Variants in GIGYF2 observed in about 807,000 individuals in gnomAD.
GIGYF2 encodes the protein GRB10 interacting GYF protein 2.
Under a neutral mutation model 208.1 loss-of-function variants are expected in GIGYF2, and 25 were observed. The ratio of observed to expected loss-of-function variants is 0.12; its 90% CI spans 0.09 to 0.17. GIGYF2 has a LOEUF of 0.17. Among genes scored for constraint, GIGYF2 ranks in the 10% least tolerant of loss-of-function variants. The probability of loss-of-function intolerance (pLI) is 1.00; values close to 1 mark genes in which losing one functional copy is unlikely to be tolerated. For synonymous variants in GIGYF2, 534 were observed against 543.8 expected, an observed-to-expected ratio of 0.98 and a Z score of 0.25; for missense variants, 1,302 against 1,579.4, an observed-to-expected ratio of 0.82 and a Z score of 2.98.
chr2:232,777,821 A>C (rs1391012364), intron 8 of GIGYF2, among the ~76,000 whole-genome samples: 1 of 152,184 alleles, frequency 6.6e-6, no homozygotes, highest in Non-Finnish European at 1.5e-5. Flanking sequence ...CCCAGCTAAC[A>C]AATTGCAGAA....
intron 14 of GIGYF2, among the ~76,000 whole-genome samples, chr2:232,800,785 T>C (rs1700373088): frequency 6.6e-6 from 1 of 152,066 alleles, no homozygotes; most frequent in Non-Finnish European, 1.5e-5. Context: ...ACACGCTGGC[T>C]CATGCCTGTA....
chr2:232,775,634 AT>A lies in GIGYF2; in HGVS notation c.533-11515del, dbSNP rs553392307. Reference sequence around the variant, plus strand: ...CATTTATAAATTATTTGGAGGAAAAATAGTACCTATTAAAAAATGATAGGCA... The same window carrying A: ...CATTTATAAATTATTTGGAGGAAAAAAGTACCTATTAAAAAATGATAGGCA... On this transcript the variant is annotated intron_variant, in intron 8 of 28. Coordinates refer to ENST00000373563, the MANE Select transcript of GIGYF2 (RefSeq NM_001103146.3). 2.7e-3 allele frequency among the ~76,000 whole-genome samples: 416 copies of A among 152,312 alleles called. 1 individual carries two copies. Among genetic ancestry groups the A allele is most frequent in the South Asian group, 0.015 (71 of 4,832 alleles).
chr2:232,739,088 G>A (rs1237968223), intron 3 of GIGYF2, among the ~76,000 whole-genome samples: 1 of 152,122 alleles, frequency 6.6e-6, no homozygotes, highest in Non-Finnish European at 1.5e-5. Flanking sequence ...GCTGGGCGTG[G>A]TGGCTCATGC....
At chr2:232,718,574 T>G (rs549310854) in intron 2 of GIGYF2, among the ~76,000 whole-genome samples, 16 of 152,344 alleles carry the variant, frequency 1.1e-4, no homozygotes, top group Admixed American at 9.8e-4. Context: ...AACTTCAGTT[T>G]CCTTGGATGT....
At chr2:232,841,795 A>G (rs1207508350) in intron 23 of GIGYF2, among the ~76,000 whole-genome samples, 1 of 151,614 alleles carries the variant, frequency 6.6e-6, no homozygotes, top group East Asian at 1.9e-4. Context: ...CAATCAGGAC[A>G]CTCTCAGCTT....
intron 14 of GIGYF2, among the ~76,000 whole-genome samples, chr2:232,802,238 C>CT (rs775424488): frequency 5.7e-4 from 83 of 144,958 alleles, no homozygotes; most frequent in Non-Finnish European, 6.2e-4. Context: ...AATTTGGATG[C>CT]TTTTTTTTTT....
intron 9 of GIGYF2, among the ~76,000 whole-genome samples, chr2:232,787,911 A>G (rs1380224102): frequency 2.0e-5 from 3 of 152,194 alleles, no homozygotes; most frequent in Non-Finnish European, 4.4e-5. Context: ...TGTCTCTTAA[A>G]AATGCTCAAA....
Position 232,795,186 on chromosome 2 carries a change from C to G in GIGYF2, c.1479+242C>G, listed in dbSNP as rs141463555. ...CTCTTAGGTTGCCCTTAGCTATTTA[C>G]TTTTCTTTTTTCTTTTTGGACATTA... On this transcript the variant is annotated intron_variant, in intron 13 of 28. Transcript: ENST00000373563. Among the ~76,000 whole-genome samples, 1,304 of 152,264 alleles carry G rather than the reference C, an allele frequency of 8.6e-3. 15 individuals are homozygous for G. Among genetic ancestry groups the G allele is most frequent in the Non-Finnish European group, 0.012 (843 of 68,002 alleles).
chr2:232,700,092 G>A (rs912610927), intron 1 of GIGYF2, among the ~76,000 whole-genome samples: 1 of 152,124 alleles, frequency 6.6e-6, no homozygotes, highest in Non-Finnish European at 1.5e-5. Flanking sequence ...TGCTTTTGCT[G>A]GTGAGATGCA....
chr2:232,725,612 T>C (rs1697161542), intron 2 of GIGYF2, among the ~76,000 whole-genome samples: 1 of 152,242 alleles, frequency 6.6e-6, no homozygotes, highest in Non-Finnish European at 1.5e-5. Context: ...TGCTAGCAAA[T>C]ATTATAATTC....
chr2:232,760,679 A>G (rs746785464), intron 7 of GIGYF2, 88 bp downstream of exon 7: 1 of 789,218 alleles, frequency 1.3e-6, no homozygotes, highest in Admixed American at 2.0e-5. Context: ...GTTTTTGTAC[A>G]GTTAAAGGGT....
intron 28 of GIGYF2, among the ~76,000 whole-genome samples, chr2:232,854,685 G>A (rs1559172125): frequency 2.0e-5 from 3 of 151,952 alleles, no homozygotes; most frequent in Non-Finnish European, 4.4e-5. Flanking sequence ...TTAATAAATA[G>A]GCATGTTTAT....
chr2:232,728,410 A>T (rs182173277), intron 2 of GIGYF2, among the ~76,000 whole-genome samples: 104 of 152,364 alleles, frequency 6.8e-4, no homozygotes, highest in Non-Finnish European at 1.4e-3. Flanking sequence ...CCAGACATGC[A>T]TTAATAGAGT....
intron 14 of GIGYF2, among the ~76,000 whole-genome samples, chr2:232,798,699 T>C (rs564960286): frequency 6.6e-6 from 1 of 152,328 alleles, no homozygotes; most frequent in East Asian, 1.9e-4. Flanking sequence ...ATGTTCTTAC[T>C]GGCCATCTAT....
intron 2 of GIGYF2, among the ~76,000 whole-genome samples, chr2:232,722,271 G>C (rs1275720744): frequency 6.6e-6 from 1 of 152,184 alleles, no homozygotes; most frequent in Non-Finnish European, 1.5e-5. Flanking sequence ...TGGCTGGGGA[G>C]GCCGCAGGAA....
At chr2:232,755,967 AACC>A (rs1698520405) in intron 5 of GIGYF2, among the ~76,000 whole-genome samples, 1 of 152,170 alleles carries the variant, frequency 6.6e-6, no homozygotes, top group Non-Finnish European at 1.5e-5. Context: ...TTCCTCACCA[AACC>A]TAGCATAGTG....
chr2:232,771,387 A>T, intron 8 of GIGYF2: 1 of 1,534,818 alleles, frequency 6.5e-7, no homozygotes, highest in Non-Finnish European at 9.0e-7. Context: ...CTCTAAAATC[A>T]AGAGTAAATT....
chr2:232,860,214 C>T lies in GIGYF2; in HGVS notation c.*3354C>T, dbSNP rs1690723373. 1.3e-5 allele frequency: 2 copies of T among 152,040 alleles called. No homozygotes were observed. Among genetic ancestry groups the T allele is most frequent in the South Asian group, 4.1e-4 (2 of 4,824 alleles). The allele number at this position is 152,040 out of a possible 1,614,324, so 9.4% of individuals were successfully genotyped here. A position where few individuals can be genotyped will look rare whatever the true frequency, so the allele number is the denominator to read the frequency against. On this transcript the variant is annotated 3_prime_UTR_variant, in exon 29 of 29. Transcript: ENST00000373563. ...TTCTTACTATGTTGCCCAGGCTGGT[C>T]TCAAACCCCTGGGCTCAAGTGATCC...
rs201395041 is a variant in GIGYF2, at chr2:232,855,080, CTTTTTTTTTTTT to C, written c.3833-1700_3833-1689del. ...AGGTTTTCTTTTTTTCTTTTTCTTT[CTTTTTTTTTTTT>C]TTTTTTTTTTTTGAGACAAGGTCTC... On this transcript the variant is annotated intron_variant, in intron 28 of 28. Transcript: ENST00000373563. 3.1e-4 allele frequency among the ~76,000 whole-genome samples: 34 copies of C among 109,158 alleles called. 1 individual carries two copies. The highest frequency in any genetic ancestry group is 2.8e-3 in the South Asian group (9 of 3,232). The allele number at this position is 109,158 out of a possible 152,430, so 71.6% of individuals were successfully genotyped here. A position where few individuals can be genotyped will look rare whatever the true frequency, so the allele number is the denominator to read the frequency against.
Sources: gnomAD v4.1 joint callset for allele counts (sites outside exome capture counted in the v4.1 genomes callset) on GRCh38, gnomAD v4.1.1 for gene constraint, MANE v1.5 for transcripts, NCBI Gene and HGNC (gene_info 2026-07-23, HGNC 2026-07-21) for gene names.